The following PTPRJ variants were observed in gnomAD, a reference collection of about 807,000 sequenced individuals.
PTPRJ encodes the protein receptor-type tyrosine-protein phosphatase eta.
In PTPRJ, 129 loss-of-function variants were observed where a neutral mutation model predicts 141.3. That is an observed-to-expected ratio of 0.91 (90% CI 0.79 to 1.06). The LOEUF (loss-of-function observed/expected upper bound fraction) is 1.06, where lower values mean the gene tolerates loss of function less well. Among genes scored for constraint, PTPRJ ranks in the 50% least tolerant of loss-of-function variants. The pLI, the probability that PTPRJ is intolerant of heterozygous loss-of-function variation, is 0.00. For synonymous variants in PTPRJ, 610 were observed against 640.5 expected, an observed-to-expected ratio of 0.95 and a Z score of 0.72; for missense variants, 1,601 against 1,679.7, an observed-to-expected ratio of 0.95 and a Z score of 0.82.
chr11:48,078,795 GTTTTTTTTTTTTT>G (rs55980751), intron 1 of PTPRJ, among the ~76,000 whole-genome samples: 2 of 96,274 alleles, frequency 2.1e-5, no homozygotes, highest in Admixed American at 1.2e-4. Flanking sequence ...TCTGTAAATA[GTTTTTTTTTTTTT>G]TTTTTTTTTT....
intron 3 of PTPRJ, among the ~76,000 whole-genome samples, chr11:48,119,221 T>G (rs1413714252): frequency 1.3e-5 from 2 of 152,114 alleles, no homozygotes; most frequent in African/African-American, 4.8e-5. Flanking sequence ...TGATTGTAAA[T>G]GGAAGCACAG....
At chr11:48,009,908 G>A (rs903553045) in intron 1 of PTPRJ, among the ~76,000 whole-genome samples, 1 of 152,236 alleles carries the variant, frequency 6.6e-6, no homozygotes, top group African/African-American at 2.4e-5. Flanking sequence ...GTTATCTACT[G>A]CTCTAAGCCA....
At chr11:47,984,552 T>C (rs1026473017) in intron 1 of PTPRJ, among the ~76,000 whole-genome samples, 17 of 151,828 alleles carry the variant, frequency 1.1e-4, no homozygotes, top group African/African-American at 3.9e-4. Flanking sequence ...GTGCTGTTCT[T>C]GTTTATTTGT....
intron 1 of PTPRJ, among the ~76,000 whole-genome samples, chr11:47,998,188 C>T (rs558445059): frequency 3.3e-5 from 5 of 151,730 alleles, no homozygotes; most frequent in South Asian, 2.1e-4. Flanking sequence ...TGTCATATAC[C>T]GTGTGCTGGG....
intron 1 of PTPRJ, among the ~76,000 whole-genome samples, chr11:48,096,460 A>G (rs1856007063): frequency 6.6e-6 from 1 of 152,174 alleles, no homozygotes; most frequent in Non-Finnish European, 1.5e-5. Flanking sequence ...AGGGCATCGG[A>G]GGGAGACACT....
At chr11:48,139,073 C>T (rs535195284) in intron 10 of PTPRJ, among the ~76,000 whole-genome samples, 147 of 152,136 alleles carry the variant, frequency 9.7e-4, no homozygotes, top group Non-Finnish European at 9.0e-4. Context: ...GTGGACGTTG[C>T]GGTGAGCTGA....
At chr11:48,150,333 A>T in intron 18 of PTPRJ, 150 bp downstream of exon 18, 1 of 640,340 alleles carries the variant, frequency 1.6e-6, no homozygotes, top group South Asian at 1.9e-5. Flanking sequence ...TCTCCTACAG[A>T]GTCAGCAGTG....
At chr11:48,083,138 T>G (rs959911397) in intron 1 of PTPRJ, among the ~76,000 whole-genome samples, 2 of 152,200 alleles carry the variant, frequency 1.3e-5, no homozygotes, top group South Asian at 4.1e-4. Flanking sequence ...TAAGTTGTTT[T>G]TCTAAGGCTG....
chr11:48,035,043 C>G (rs11607186), intron 1 of PTPRJ, among the ~76,000 whole-genome samples: 5,846 of 152,336 alleles, frequency 0.038, 115 homozygotes, highest in Middle Eastern at 0.061. Context: ...CTTCCGAATC[C>G]TGCTATTTCC....
chr11:48,028,821 T>C (rs1452335278), intron 1 of PTPRJ, among the ~76,000 whole-genome samples: 4 of 152,090 alleles, frequency 2.6e-5, no homozygotes, highest in African/African-American at 9.7e-5. Flanking sequence ...AAAAACCTTG[T>C]GTGGGTGAAT....
intron 12 of PTPRJ, among the ~76,000 whole-genome samples, chr11:48,143,780 C>T (rs1376338163): frequency 1.6e-5 from 2 of 128,738 alleles, no homozygotes; most frequent in African/African-American, 3.0e-5. Context: ...CCCTCCTCCC[C>T]CTCCCCTCCT....
chr11:48,010,369 G>A (rs1024411250), intron 1 of PTPRJ, among the ~76,000 whole-genome samples: 14 of 151,348 alleles, frequency 9.3e-5, no homozygotes, highest in African/African-American at 3.4e-4. Flanking sequence ...AGTAGAGATA[G>A]GGTTTCGCCA....
intron 1 of PTPRJ, among the ~76,000 whole-genome samples, chr11:48,087,504 G>T (rs1855747676): frequency 6.6e-6 from 1 of 152,184 alleles, no homozygotes; most frequent in Non-Finnish European, 1.5e-5. Context: ...GCATTGGTCT[G>T]TAAAATCCCA....
intron 1 of PTPRJ, among the ~76,000 whole-genome samples, chr11:48,093,707 G>C (rs1212972094): frequency 6.6e-6 from 1 of 151,770 alleles, no homozygotes; most frequent in Non-Finnish European, 1.5e-5. Flanking sequence ...TTTTCAAATT[G>C]AGGCTTACTA....
At chr11:48,131,055 T>C (rs60193294) in intron 8 of PTPRJ, among the ~76,000 whole-genome samples, 837 of 59,054 alleles carry the variant, frequency 0.014, 4 homozygotes, top group East Asian at 0.02. Context: ...CACACACATA[T>C]ATATATATAT....
chr11:48,071,847 C>T (rs1855265638), intron 1 of PTPRJ, among the ~76,000 whole-genome samples: 1 of 150,240 alleles, frequency 6.7e-6, no homozygotes, highest in African/African-American at 2.5e-5. Flanking sequence ...CATGATCTAC[C>T]TGCCTCAGCC....
intron 7 of PTPRJ, among the ~76,000 whole-genome samples, chr11:48,129,645 G>A (rs1856923524): frequency 6.6e-6 from 1 of 152,146 alleles, no homozygotes; most frequent in Non-Finnish European, 1.5e-5. Context: ...TAAGTCTGCA[G>A]AACTGACCCC....
chr11:48,125,094 G>A lies in PTPRJ; in HGVS notation c.1001G>A (p.Gly334Glu), dbSNP rs773125113. 1.2e-6 allele frequency: 2 copies of A among 1,614,080 alleles called. No individual in the cohort carries two copies. Among genetic ancestry groups the A allele is most frequent in the Admixed American group, 1.7e-5 (1 of 60,010 alleles). ...CGAGACACGGAAGTCCTGCTTGTCG[G>A]GTTAGAGCCTGGCACCCGATACAAT... ...QSRDTEVLLV[G>E]LEPGTRYNAT... is the part of the protein sequence containing the mutation. Residue 334 changes from glycine to glutamate, a missense_variant, in exon 6 of 25, where the codon GGG becomes GAG. By Grantham distance (98) the Gly-to-Glu change is moderately conservative. Transcript: ENST00000418331.
chr11:48,163,368 A>C, intron 22 of PTPRJ, 90 bp from the exon 23 acceptor site: 2 of 1,249,122 alleles, frequency 1.6e-6, no homozygotes, highest in Non-Finnish European at 1.2e-6. Flanking sequence ...ACTCCTGGTT[A>C]GTACTCAGGC....
Sources: allele counts gnomAD v4.1 joint callset (sites outside exome capture counted in the v4.1 genomes callset), GRCh38; gene constraint gnomAD v4.1.1; transcripts MANE v1.5; gene names NCBI Gene and HGNC (gene_info 2026-07-23, HGNC 2026-07-21).